Variants in CNBD1 observed in about 807,000 individuals in gnomAD.
The protein encoded by CNBD1 is cyclic nucleotide-binding domain-containing protein 1.
A neutral mutation model predicts 54.4 loss-of-function variants in CNBD1; 71 were observed. The ratio of observed to expected loss-of-function variants is 1.30; its 90% confidence interval spans 1.08 to 1.59. CNBD1 has a LOEUF of 1.59. Ranked by LOEUF, CNBD1 falls within the 40% of genes most tolerant of loss-of-function variation. CNBD1 has a pLI of 0.00. For missense variants in CNBD1, 659 were observed against 518.0 expected (o/e 1.27, Z -2.64); for synonymous variants, 182 against 170.7 (o/e 1.07, Z -0.51).
At chr8:86,922,661 A>C (rs1363027230) in intron 3 of CNBD1, among the ~76,000 whole-genome samples, 1 of 152,182 alleles carries the variant, frequency 6.6e-6, no homozygotes, top group African/African-American at 2.4e-5. Context: ...GAGTTAAAAA[A>C]AAATCCACTT....
At chr8:87,089,834 C>T (rs1009503890) in intron 4 of CNBD1, among the ~76,000 whole-genome samples, 3 of 151,834 alleles carry the variant, frequency 2.0e-5, no homozygotes, top group African/African-American at 7.3e-5. Flanking sequence ...CTTGTTCATA[C>T]AAAATGTCTT....
chr8:87,076,382 T>C (rs1803121354), intron 4 of CNBD1, among the ~76,000 whole-genome samples: 1 of 152,108 alleles, frequency 6.6e-6, no homozygotes, highest in Non-Finnish European at 1.5e-5. Context: ...TGGTGGCCTA[T>C]ATTTTTTATT....
At chr8:87,012,704 C>T (rs1390400829) in intron 4 of CNBD1, among the ~76,000 whole-genome samples, 1 of 152,168 alleles carries the variant, frequency 6.6e-6, no homozygotes, top group African/African-American at 2.4e-5. Flanking sequence ...AGTCCTTTAC[C>T]TTTAACCTGA....
intron 10 of CNBD1, among the ~76,000 whole-genome samples, chr8:87,369,733 T>C (rs71504320): frequency 2.6e-5 from 4 of 151,394 alleles, no homozygotes; most frequent in Admixed American, 2.0e-4. Flanking sequence ...TTCTTTTTTT[T>C]TTATTATTAT....
intron 4 of CNBD1, among the ~76,000 whole-genome samples, chr8:86,953,844 G>T (rs1195400798): frequency 1.3e-5 from 2 of 152,102 alleles, no homozygotes; most frequent in Non-Finnish European, 2.9e-5. Flanking sequence ...TCCAGCCTAG[G>T]TGACAGAGCG....
chr8:87,400,094 C>A (rs1267694329), intron 2 of CNBD1, among the ~76,000 whole-genome samples: 1 of 151,872 alleles, frequency 6.6e-6, no homozygotes, highest in Non-Finnish European at 1.5e-5. Flanking sequence ...GGGGCAAGAT[C>A]CTTCTTGAGC....
intron 8 of CNBD1, among the ~76,000 whole-genome samples, chr8:87,341,564 G>C (rs1272146202): frequency 6.6e-6 from 1 of 152,158 alleles, no homozygotes; most frequent in Non-Finnish European, 1.5e-5. Context: ...TATTGCTGTT[G>C]TAATAGTATT....
intron 8 of CNBD1, among the ~76,000 whole-genome samples, chr8:87,319,998 T>C (rs1233312129): frequency 6.6e-6 from 1 of 152,046 alleles, no homozygotes; most frequent in African/African-American, 2.4e-5. Context: ...AAAAAGTATG[T>C]CCCCTAGCTT....
At chr8:87,023,274 A>G (rs1473080070) in intron 4 of CNBD1, among the ~76,000 whole-genome samples, 8 of 107,776 alleles carry the variant, frequency 7.4e-5, no homozygotes, top group Non-Finnish European at 3.7e-5. Flanking sequence ...TGATGAATCC[A>G]TAAGATGGAA....
chr8:86,985,839 T>G (rs1411379142), intron 4 of CNBD1, among the ~76,000 whole-genome samples: 2 of 152,190 alleles, frequency 1.3e-5, no homozygotes, highest in Non-Finnish European at 2.9e-5. Context: ...CTTCCCCTTT[T>G]TCCACAGCCT....
intron 4 of CNBD1, among the ~76,000 whole-genome samples, chr8:87,095,339 A>G (rs890174111): frequency 6.6e-6 from 1 of 152,236 alleles, no homozygotes; most frequent in Non-Finnish European, 1.5e-5. Flanking sequence ...AGCCTTTATT[A>G]AACATACTAA....
intron 4 of CNBD1, among the ~76,000 whole-genome samples, chr8:87,067,654 A>AT (rs1810681722): frequency 6.6e-6 from 1 of 151,850 alleles, no homozygotes; most frequent in Non-Finnish European, 1.5e-5. Context: ...TCTTTTAGAG[A>AT]TTTTAGAACA....
At chr8:87,251,226 G>A (rs911772692) in intron 6 of CNBD1, among the ~76,000 whole-genome samples, 2 of 152,002 alleles carry the variant, frequency 1.3e-5, no homozygotes, top group Admixed American at 6.6e-5. Flanking sequence ...ATGTTTTAGG[G>A]CCCTAGTTCT....
At chr8:87,091,870 A>G (rs1811209131) in intron 4 of CNBD1, among the ~76,000 whole-genome samples, 1 of 152,162 alleles carries the variant, frequency 6.6e-6, no homozygotes, top group Non-Finnish European at 1.5e-5. Flanking sequence ...TGAAATATAT[A>G]GGACATGTGT....
chr8:86,899,309 G>A lies in CNBD1; in HGVS notation c.159-5772G>A, dbSNP rs544226002. Among the ~76,000 whole-genome samples the A allele has an allele frequency of 3.0e-4, 46 of 151,984 alleles. 1 individual carries two copies. Among genetic ancestry groups the A allele is most frequent in the African/African-American group, 1.1e-3 (46 of 41,472 alleles). On this transcript the variant is annotated intron_variant, in intron 2 of 10. Transcript: ENST00000518476. The stretch of plus-strand genomic sequence containing the variant: ...TGTATTTGGAATTCATGCTAAATGA[G>A]TAGATTTTAGCTGTTCTTGCCACAA...
At chr8:87,152,187 G>A (rs1473964392) in intron 4 of CNBD1, among the ~76,000 whole-genome samples, 1 of 151,960 alleles carries the variant, frequency 6.6e-6, no homozygotes, top group Non-Finnish European at 1.5e-5. Context: ...AATGATTTGG[G>A]GAGGAACTGG....
At chr8:86,881,947 G>A (rs1054078355) in intron 1 of CNBD1, among the ~76,000 whole-genome samples, 16 of 152,028 alleles carry the variant, frequency 1.1e-4, no homozygotes, top group African/African-American at 3.6e-4. Context: ...TGGGAATAGG[G>A]AAAACTGGGT....
chr8:87,286,494 T>G (rs565358521), intron 7 of CNBD1, 45 bp from the exon 8 acceptor site: 1 of 1,152,046 alleles, frequency 8.7e-7, no homozygotes, highest in African/African-American at 1.5e-5. Context: ...TCTTTGATTT[T>G]AAATTGCCTG....
At chr8:87,391,585 A>T (rs1811311517) in intron 2 of CNBD1, among the ~76,000 whole-genome samples, 1 of 152,066 alleles carries the variant, frequency 6.6e-6, no homozygotes, top group Admixed American at 6.6e-5. Context: ...TGCTGAGATA[A>T]TTCAATAGGG....
Sources: allele counts gnomAD v4.1 joint callset (sites outside exome capture counted in the v4.1 genomes callset), GRCh38; gene constraint gnomAD v4.1.1; transcripts MANE v1.5; gene names NCBI Gene and HGNC (gene_info 2026-07-23, HGNC 2026-07-21).